The following ARIH2 variants were observed in gnomAD, a reference collection of about 807,000 sequenced individuals.
ARIH2 encodes E3 ubiquitin-protein ligase ARIH2.
A neutral mutation model predicts 79.8 loss-of-function variants in ARIH2; 12 were observed. The observed-to-expected ratio is 0.15, with a 90% CI of 0.10 to 0.24. ARIH2 has a LOEUF of 0.24. ARIH2 is among the 10% of genes least tolerant of loss of function. The pLI, the probability that ARIH2 is intolerant of heterozygous loss-of-function variation, is 1.00. For synonymous variants in ARIH2, 224 were observed against 213.9 expected (o/e 1.05, Z -0.41); for missense variants, 301 against 618.3 (o/e 0.49, Z 5.44).
rs1428826050 is a variant in ARIH2, at chr3:48,968,702, C to G, written c.660+47C>G. 3.2e-6 allele frequency: 5 copies of G among 1,584,198 alleles called. No homozygotes were observed. In the Admixed American group the frequency reaches 8.5e-5, roughly 27 times the overall value. Reference sequence around the variant, plus strand: ...CCCTCTGTCTTCCCGGGCCTACCTTCCATCAGAGGGTCACCACAGTTACTT... The same window carrying G: ...CCCTCTGTCTTCCCGGGCCTACCTTGCATCAGAGGGTCACCACAGTTACTT... On this transcript the variant is annotated intron_variant, in intron 7 of 15. Transcript: ENST00000356401.
chr3:48,958,665 T>C (rs1337310977), intron 3 of ARIH2, among the ~76,000 whole-genome samples: 2 of 151,524 alleles, frequency 1.3e-5, no homozygotes, highest in Admixed American at 6.6e-5. Flanking sequence ...GTCGAGATCG[T>C]ACCACTGCAC....
intron 3 of ARIH2, among the ~76,000 whole-genome samples, chr3:48,956,439 CTTTTTTTTTTTTTTTTT>C (rs34693818): frequency 2.2e-3 from 80 of 36,272 alleles, no homozygotes; most frequent in East Asian, 9.1e-3. Context: ...GCGCCCGGCA[CTTTTTTTTTTTTTTTTT>C]TTTTTTTTTT....
chr3:48,945,021 C>A, intron 3 of ARIH2: 2 of 858,700 alleles, frequency 2.3e-6, no homozygotes, highest in South Asian at 1.4e-5. Flanking sequence ...GTGATTGGAC[C>A]ACGAAGTGGC....
intron 3 of ARIH2, among the ~76,000 whole-genome samples, chr3:48,939,800 A>T (rs1442546439): frequency 1.3e-5 from 2 of 151,784 alleles, no homozygotes; most frequent in African/African-American, 2.4e-5. Flanking sequence ...ACAAAAAAAA[A>T]AACTGAAGTA....
chr3:48,925,904 G>T (rs2085523356), intron 2 of ARIH2, among the ~76,000 whole-genome samples: 1 of 152,028 alleles, frequency 6.6e-6, no homozygotes. Context: ...ATTTTTAGTA[G>T]AGATGGGGTT....
chr3:48,952,144 T>G (rs2090040766), intron 3 of ARIH2, among the ~76,000 whole-genome samples: 1 of 152,246 alleles, frequency 6.6e-6, no homozygotes, highest in South Asian at 2.1e-4. Context: ...TTTTTGTTAT[T>G]CAGTTCAAAA....
At chr3:48,946,433 A>G (rs1455635800) in intron 3 of ARIH2, among the ~76,000 whole-genome samples, 1 of 151,220 alleles carries the variant, frequency 6.6e-6, no homozygotes, top group Non-Finnish European at 1.5e-5. Flanking sequence ...GTCATCCACT[A>G]TAGTCTGTGC....
At chr3:48,967,799 A>G (rs1407606370) in intron 6 of ARIH2, among the ~76,000 whole-genome samples, 1 of 152,234 alleles carries the variant, frequency 6.6e-6, no homozygotes. Context: ...AACCTATATA[A>G]GGATTTTTTA....
chr3:48,928,943 C>T (rs1198062634), intron 3 of ARIH2, among the ~76,000 whole-genome samples: 1 of 152,010 alleles, frequency 6.6e-6, no homozygotes, highest in African/African-American at 2.4e-5. Flanking sequence ...GGGATTTCTG[C>T]ACTATGGCTA....
chr3:48,975,035 C>T, intron 11 of ARIH2, 56 bp downstream of exon 11: 1 of 1,614,060 alleles, frequency 6.2e-7, no homozygotes, highest in South Asian at 1.1e-5. Context: ...GGTTGGGTCT[C>T]CGTTACTATT....
At chr3:48,950,986 A>C (rs1281093906) in intron 3 of ARIH2, among the ~76,000 whole-genome samples, 2 of 136,700 alleles carry the variant, frequency 1.5e-5, no homozygotes, top group African/African-American at 5.5e-5. Context: ...ATTTTGTGAC[A>C]GTGTCTTGCC....
intron 7 of ARIH2, among the ~76,000 whole-genome samples, chr3:48,969,201 C>CT (rs2092015529): frequency 6.8e-6 from 1 of 146,942 alleles, no homozygotes; most frequent in Non-Finnish European, 1.5e-5. Flanking sequence ...TTTTTAACCT[C>CT]TGAGTCTTGA....
chr3:48,981,178 A>T (rs2092735431), intron 13 of ARIH2, among the ~76,000 whole-genome samples: 1 of 151,940 alleles, frequency 6.6e-6, no homozygotes, highest in Non-Finnish European at 1.5e-5. Flanking sequence ...AAAAAAATAC[A>T]AACGTTCGCC....
chr3:48,927,648 C>G lies in ARIH2; in HGVS notation c.90C>G (p.Asp30Glu), dbSNP rs753068638. 5 of 1,613,588 alleles carry G rather than the reference C, an allele frequency of 3.1e-6. No individual in the cohort carries two copies. Among genetic ancestry groups the G allele is most frequent in the Non-Finnish European group, 4.2e-6 (5 of 1,179,822 alleles). ...AGGAAGAGGAAGAAGAAGAAGAAGACGACCCTGGGGACATAGAGGACTATT... is the reference window on the plus strand; with the variant it reads ...AGGAAGAGGAAGAAGAAGAAGAAGAGGACCCTGGGGACATAGAGGACTATT... Reference protein sequence around the residue: ...NCEEEEEEEEDDPGDIEDYYV... With the variant: ...NCEEEEEEEEEDPGDIEDYYV... The change falls in exon 3 of 16, where the codon GAC becomes GAG. Residue 30 changes from aspartate to glutamate, a missense_variant. By Grantham distance (45) the Asp-to-Glu change is conservative (BLOSUM62 2). Around this residue, in one of 2 missense-constraint regions of ARIH2, gnomAD observed 223 missense variants for 349.4 expected, o/e 0.64. Transcript: ENST00000356401.
At chr3:48,941,717 C>T (rs1198264933) in intron 3 of ARIH2, among the ~76,000 whole-genome samples, 2 of 151,212 alleles carry the variant, frequency 1.3e-5, no homozygotes, top group Non-Finnish European at 1.5e-5. Context: ...CTCAGCTTCC[C>T]GAGTAGCTGG....
Position 48,954,463 on chromosome 3 carries a change from G to A in ARIH2, c.256-7149G>A, listed in dbSNP as rs117645336. ...AAAAAAAAAAAAAGTTTTTTTCTAC[G>A]TATAGGATCTCACTATTTGCCCAGG... On this transcript the variant is annotated intron_variant, in intron 3 of 15. Coordinates refer to ENST00000356401, the MANE Select transcript of ARIH2 (RefSeq NM_006321.4). 8.6e-4 allele frequency among the ~76,000 whole-genome samples: 131 copies of A among 151,868 alleles called. 4 individuals carry two copies. In the East Asian group the frequency reaches 0.023, roughly 26 times the overall value.
At chr3:48,926,322 C>T (rs547454867) in intron 2 of ARIH2, among the ~76,000 whole-genome samples, 2 of 151,904 alleles carry the variant, frequency 1.3e-5, no homozygotes, top group South Asian at 4.2e-4. Context: ...GGCTGGAGTG[C>T]AGTGGCGCAA....
chr3:48,945,216 G>A (rs976304461), intron 3 of ARIH2: 2 of 1,288,432 alleles, frequency 1.6e-6, no homozygotes, highest in Admixed American at 4.6e-5. Context: ...AGTTTTGGTG[G>A]GCTGCTGGAT....
intron 3 of ARIH2, among the ~76,000 whole-genome samples, chr3:48,935,755 A>C (rs982318550): frequency 6.6e-6 from 1 of 152,190 alleles, no homozygotes; most frequent in African/African-American, 2.4e-5. Context: ...GTCATGGTAG[A>C]AGCGGGGCAA....
Sources: gnomAD v4.1 joint callset for allele counts (sites outside exome capture counted in the v4.1 genomes callset) on GRCh38, gnomAD v4.1.1 for gene constraint, gnomAD v4.1.1 regional missense constraint, MANE v1.5 for transcripts, NCBI Gene and HGNC (gene_info 2026-07-23, HGNC 2026-07-21) for gene names.